The following HACL1 variants were observed in gnomAD, a reference collection of about 807,000 sequenced individuals.
HACL1 encodes 2-hydroxyacyl-CoA lyase 1, also known as 1600020H07Rik.
In HACL1, 64 loss-of-function variants were observed where a neutral mutation model predicts 74.2. That is an observed-to-expected ratio of 0.86 (90% CI 0.70 to 1.06). The LOEUF is 1.06. HACL1 is among the 50% of genes least tolerant of loss of function. HACL1 has a pLI of 0.00. For missense variants in HACL1, 728 were observed against 719.7 expected (o/e 1.01, Z -0.13); for synonymous variants, 230 against 238.8 (o/e 0.96, Z 0.34).
chr3:15,600,908 A>C lies in HACL1; in HGVS notation c.186+182T>G, dbSNP rs533636354. 1.9e-4 allele frequency: 117 copies of C among 618,188 alleles called. No homozygotes were observed. The East Asian group carries it at 3.1e-3, about 17-fold the overall frequency. The allele number at this position is 618,188 out of a possible 1,614,324, so 38.3% of individuals were successfully genotyped here. A position where few individuals can be genotyped will look rare whatever the true frequency, so the allele number is the denominator to read the frequency against. On this transcript the variant is annotated intron_variant, in intron 2 of 16. Coordinates refer to ENST00000321169, the MANE Select transcript of HACL1 (RefSeq NM_012260.4). ...GTGTCACCAAAGGCAAGTTTTACTT[A>C]ACCTGTGTCTTTTCTCATCTGTCAA...
chr3:15,584,976 T>C lies in HACL1; in HGVS notation c.554+272A>G, dbSNP rs910378624. 1.1e-4 allele frequency among the ~76,000 whole-genome samples: 16 copies of C among 152,316 alleles called. 4 individuals are homozygous for C. Among genetic ancestry groups the C allele is most frequent in the East Asian group, 1.9e-4 (1 of 5,188 alleles). Reference sequence around the variant, plus strand: ...GGACCCATATTACATTAACGAGGGATGTATATTTATGGTTACTGGAGGAAT... The same window carrying C: ...GGACCCATATTACATTAACGAGGGACGTATATTTATGGTTACTGGAGGAAT... On this transcript the variant is annotated intron_variant, in intron 7 of 16. Coordinates refer to ENST00000321169, the MANE Select transcript of HACL1 (RefSeq NM_012260.4).
At chr3:15,580,482 T>C (rs2063701009) in intron 8 of HACL1, among the ~76,000 whole-genome samples, 1 of 152,222 alleles carries the variant, frequency 6.6e-6, no homozygotes, top group Non-Finnish European at 1.5e-5. Context: ...ATTACAGTTT[T>C]TATCGCTGGT....
intron 9 of HACL1, among the ~76,000 whole-genome samples, chr3:15,577,776 C>T (rs1445568640): frequency 1.3e-5 from 2 of 151,060 alleles, no homozygotes; most frequent in Admixed American, 6.6e-5. Context: ...CCAGTCCAGG[C>T]AACAGAGCAA....
In HACL1 at chr3:15,563,498, T is replaced by G; in HGVS notation, c.1564A>C (p.Met522Leu). The G allele has an allele frequency of 6.2e-7, 1 of 1,612,670 alleles. No individual in the cohort carries two copies. The highest frequency in any genetic ancestry group is 1.1e-5 in the South Asian group (1 of 91,030). ...LLPNSHYEQV[M>L]TAFGGKGYFV... ...TACCCTTTGCCTCCAAATGCAGTCA[T>G]GACTTGCTCATAATGTGAATTTGGC... Residue 522 changes from methionine (M) to leucine (L), a missense_variant, in exon 16 of 17, where the codon ATG (methionine) becomes CTG (leucine). Physicochemically the swap from Met to Leu is conservative, Grantham distance 15 (BLOSUM62 2). Transcript: ENST00000321169.
At chr3:15,598,659 T>C (rs1046647351) in intron 2 of HACL1, among the ~76,000 whole-genome samples, 55 of 152,366 alleles carry the variant, frequency 3.6e-4, no homozygotes, top group Non-Finnish European at 3.8e-4. Flanking sequence ...CAGTATGTCT[T>C]GATTACTCTA....
intron 9 of HACL1, among the ~76,000 whole-genome samples, chr3:15,577,807 C>A (rs539428694): frequency 2.0e-5 from 3 of 149,786 alleles, no homozygotes; most frequent in South Asian, 2.1e-4. Context: ...CCAAAAAAAA[C>A]CCAAAAACCG....
intron 2 of HACL1, among the ~76,000 whole-genome samples, chr3:15,597,984 G>GGTTAC (rs2064100113): frequency 1.3e-5 from 2 of 151,966 alleles, no homozygotes; most frequent in Non-Finnish European, 2.9e-5. Flanking sequence ...AAAGTTGAGA[G>GGTTAC]GTAACTGTTT....
At chr3:15,592,370 A>G (rs114016508) in intron 3 of HACL1, among the ~76,000 whole-genome samples, 485 of 136,006 alleles carry the variant, frequency 3.6e-3, no homozygotes, top group African/African-American at 0.016. Context: ...ATGTATACAT[A>G]CAGACACACG....
intron 3 of HACL1, among the ~76,000 whole-genome samples, chr3:15,593,890 C>T (rs924836533): frequency 3.3e-5 from 5 of 150,646 alleles, no homozygotes; most frequent in South Asian, 2.1e-4. Flanking sequence ...CTCCGCCTCC[C>T]GGATTCAAGT....
rs1319351628 is a variant in HACL1 at position 15,574,685 on chromosome 3, C to T, written c.909+292G>A. Among the ~76,000 whole-genome samples the T allele has an allele frequency of 3.9e-5, 6 of 152,146 alleles. No homozygotes were observed. The East Asian group carries it at 1.2e-3, about 29-fold the overall frequency. ...ATCCTACTTAAGTCTCTTTTCTCTA[C>T]CTTTAAATATACTTGAATTGTGAAT... On this transcript the variant is annotated intron_variant, in intron 10 of 16. Coordinates refer to ENST00000321169, the MANE Select transcript of HACL1 (RefSeq NM_012260.4).
intron 5 of HACL1, 147 bp from the exon 6 acceptor site, chr3:15,586,749 A>G (rs537575346): frequency 1.5e-5 from 8 of 544,106 alleles, no homozygotes; most frequent in Admixed American, 3.6e-5. Context: ...TTAAAAGCCT[A>G]TTCAAAGTAC....
intron 3 of HACL1, among the ~76,000 whole-genome samples, chr3:15,592,258 G>A (rs2063933331): frequency 6.7e-6 from 1 of 148,374 alleles, no homozygotes; most frequent in Admixed American, 6.7e-5. Flanking sequence ...GTGTATATAT[G>A]GATCCATATA....
At position 15,568,510 on chromosome 3, in the gene HACL1, T is replaced by G. The variant is rs754323050; in HGVS notation, c.1172A>C (p.Asp391Ala). The G allele has an allele frequency of 3.1e-6, 5 of 1,596,572 alleles. No homozygotes were observed. The highest frequency in any genetic ancestry group is 4.3e-6 in the Non-Finnish European group (5 of 1,164,218). ...TGCTCCTTCACTTACCACGAAACAG[T>G]CTCTAGGTAGTTGTTCTTGAACATG... ...FYHVQEQLPRDCFVVSEGANT... is the reference protein window; with the variant it reads ...FYHVQEQLPRACFVVSEGANT... Residue 391 changes from aspartate to alanine, a missense_variant, in exon 13 of 17, where the codon GAC becomes GCC. Coordinates refer to ENST00000321169, the MANE Select transcript of HACL1 (RefSeq NM_012260.4).
intron 6 of HACL1, among the ~76,000 whole-genome samples, 199 bp downstream of exon 6, chr3:15,586,326 A>T (rs1294103734): frequency 2.0e-5 from 3 of 152,192 alleles, no homozygotes; most frequent in Admixed American, 6.5e-5. Flanking sequence ...TTTTTCCAAA[A>T]ATAACTTATT....
chr3:15,565,760 A>C (rs2063424249), intron 14 of HACL1, among the ~76,000 whole-genome samples: 2 of 152,168 alleles, frequency 1.3e-5, no homozygotes, highest in Admixed American at 1.3e-4. Flanking sequence ...GTCAATAAAG[A>C]CACTCTAACA....
chr3:15,600,977 A>T lies in HACL1; in HGVS notation c.186+113T>A, dbSNP rs1490677755. The T allele has an allele frequency of 1.0e-5, 7 of 697,560 alleles. No homozygotes were observed. The East Asian group carries it at 1.9e-4, about 19-fold the overall frequency. The allele number at this position is 697,560 out of a possible 1,614,324, so 43.2% of individuals were successfully genotyped here. On this transcript the variant is annotated intron_variant, in intron 2 of 16. Transcript: ENST00000321169. ...AATATTCAACAGTGATTGATATGAT[A>T]TATGTAAAGTAGCAGAAGAGTGGTA...
intron 10 of HACL1, among the ~76,000 whole-genome samples, chr3:15,573,795 G>A (rs923142176): frequency 1.3e-5 from 2 of 152,180 alleles, no homozygotes; most frequent in East Asian, 1.9e-4. Context: ...AACATGGCAC[G>A]ATTACTTCTC....
rs181264699 is a variant in HACL1 at position 15,574,939 on chromosome 3, T to C, written c.909+38A>G. The C allele has an allele frequency of 2.8e-3, 2,533 of 903,648 alleles. 22 individuals carry two copies. The highest frequency in any genetic ancestry group is 1.9e-3 in the Non-Finnish European group (1,041 of 537,962). The allele number at this position is 903,648 out of a possible 1,614,324, so 56.0% of individuals were successfully genotyped here. On this transcript the variant is annotated intron_variant, in intron 10 of 16. Coordinates refer to ENST00000321169, the MANE Select transcript of HACL1 (RefSeq NM_012260.4). ...CGGCTGATAGGGAGAATAATGAACA[T>C]AGACATTTCTGATTTTAAGTTCCTC...
chr3:15,593,357 G>A (rs2063992640), intron 3 of HACL1, among the ~76,000 whole-genome samples: 1 of 151,900 alleles, frequency 6.6e-6, no homozygotes, highest in Admixed American at 6.6e-5. Context: ...GGGACTACAG[G>A]CAGATGCCAC....
Sources: allele counts gnomAD v4.1 joint callset (sites outside exome capture counted in the v4.1 genomes callset), GRCh38; gene constraint gnomAD v4.1.1; transcripts MANE v1.5; gene names NCBI Gene and HGNC (gene_info 2026-07-23, HGNC 2026-07-21).